Variants in TRMT11 observed in about 807,000 individuals in gnomAD.
The protein encoded by TRMT11 is tRNA (guanine(10)-N(2))-methyltransferase TRMT11.
A neutral mutation model predicts 62.8 loss-of-function variants in TRMT11; 53 were observed. The ratio of observed to expected loss-of-function variants is 0.84; its 90% CI spans 0.68 to 1.06. The LOEUF (loss-of-function observed/expected upper bound fraction) is 1.06, where lower values mean the gene tolerates loss of function less well. Among genes scored for constraint, TRMT11 ranks in the 50% least tolerant of loss-of-function variants. The pLI, the probability that TRMT11 is intolerant of heterozygous loss-of-function variation, is 0.00. For missense variants in TRMT11, 556 were observed against 553.4 expected, an observed-to-expected ratio of 1.00 and a Z score of -0.05; for synonymous variants, 188 against 190.3, an observed-to-expected ratio of 0.99 and a Z score of 0.10.
At chr6:125,995,210 G>A (rs1791303042) in intron 2 of TRMT11, among the ~76,000 whole-genome samples, 1 of 152,202 alleles carries the variant, frequency 6.6e-6, no homozygotes, top group Admixed American at 6.5e-5. Flanking sequence ...AGCTAAAGTT[G>A]AAAGTCCTGT....
chr6:125,991,814 G>T (rs1790675058), intron 1 of TRMT11, among the ~76,000 whole-genome samples: 1 of 152,136 alleles, frequency 6.6e-6, no homozygotes, highest in Admixed American at 6.5e-5. Context: ...GCTAAGTATA[G>T]TTGGCAGCTA....
chr6:126,247,474 T>TATC, the TRMT11 span, among the ~76,000 whole-genome samples: 14 of 146,776 alleles, frequency 9.5e-5, no homozygotes, highest in South Asian at 2.2e-4. Flanking sequence ...TCTATCTATC[T>TATC]ATCTATCTAT....
chr6:126,180,865 T>A (rs920024816), intron 1 of TRMT11, among the ~76,000 whole-genome samples: 2 of 152,208 alleles, frequency 1.3e-5, no homozygotes, highest in African/African-American at 4.8e-5. Context: ...AAAGCCCAAC[T>A]AATTACACAA....
At chr6:126,263,591 A>T in the TRMT11 span, among the ~76,000 whole-genome samples, 17 of 152,342 alleles carry the variant, frequency 1.1e-4, 1 homozygote, top group East Asian at 2.1e-3. Context: ...CTAATATTGG[A>T]CAAAACTTAG....
chr6:126,023,269 T>C (rs17053741), intron 12 of TRMT11, among the ~76,000 whole-genome samples: 4,524 of 152,308 alleles, frequency 0.03, 80 homozygotes, highest in Middle Eastern at 0.085. Context: ...TGACTAACAT[T>C]TATTTGGGTG....
chr6:126,242,021 A>T, the TRMT11 span, among the ~76,000 whole-genome samples: 3,351 of 152,282 alleles, frequency 0.022, 136 homozygotes, highest in African/African-American at 0.076. Context: ...ACATGATTTT[A>T]TATCTAGAAA....
chr6:126,036,614 A>G (rs1367669144), intron 12 of TRMT11, among the ~76,000 whole-genome samples: 2 of 152,130 alleles, frequency 1.3e-5, no homozygotes, highest in Non-Finnish European at 2.9e-5. Context: ...GAGGATCAAC[A>G]TGGTAGCTGA....
chr6:126,101,352 G>A (rs1209654908), intron 17 of TRMT11, among the ~76,000 whole-genome samples: 2 of 152,172 alleles, frequency 1.3e-5, no homozygotes, highest in East Asian at 1.9e-4. Flanking sequence ...ATGATTCAAT[G>A]AAGCTAATAG....
At chr6:126,004,938 T>G (rs1344809401) in intron 7 of TRMT11, among the ~76,000 whole-genome samples, 1 of 152,104 alleles carries the variant, frequency 6.6e-6, no homozygotes, top group Non-Finnish European at 1.5e-5. Context: ...AACACACTTT[T>G]CTTTCAATTT....
At chr6:126,083,610 TTTTTG>T (rs1448422928) in intron 17 of TRMT11, among the ~76,000 whole-genome samples, 13 of 152,224 alleles carry the variant, frequency 8.5e-5, no homozygotes, top group African/African-American at 2.9e-4. Flanking sequence ...CACTTTGCCA[TTTTTG>T]TTTTTGTTTT....
chr6:126,088,860 A>G lies in TRMT11; in HGVS notation c.*1438-24006A>G, dbSNP rs577635038. Among the ~76,000 whole-genome samples, 83 of 152,340 alleles carry G rather than the reference A, an allele frequency of 5.4e-4. 1 individual carries two copies. The South Asian group carries it at 9.5e-3, about 17-fold the overall frequency. ...AAAGAGAATTGACTTATATTGCTAG[A>G]GAAATCAAATCCCAAACTGTTTTCA... On this transcript the variant is annotated intron_variant and NMD_transcript_variant, in intron 17 of 22. Coordinates refer to the TRMT11 transcript ENST00000648977.
chr6:126,012,736 T>C (rs1415488446), intron 9 of TRMT11, 35 bp from the exon 10 acceptor site: 9 of 1,564,700 alleles, frequency 5.8e-6, no homozygotes, highest in Non-Finnish European at 7.9e-6. Flanking sequence ...TTTGGTGACT[T>C]TTGACTATCT....
chr6:126,209,027 G>A, the TRMT11 span, among the ~76,000 whole-genome samples: 2 of 152,218 alleles, frequency 1.3e-5, no homozygotes, highest in South Asian at 2.1e-4. Flanking sequence ...TTGCCATAGT[G>A]TGGAACAGTG....
At chr6:126,154,335 G>GTGTA (rs199559793) in intron 21 of TRMT11, among the ~76,000 whole-genome samples, 3 of 146,858 alleles carry the variant, frequency 2.0e-5, no homozygotes, top group African/African-American at 5.4e-5. Context: ...ATGTGTGTGT[G>GTGTA]TGTATGTGTG....
At chr6:126,035,467 A>G (rs956213912) in intron 12 of TRMT11, among the ~76,000 whole-genome samples, 4 of 152,126 alleles carry the variant, frequency 2.6e-5, no homozygotes, top group African/African-American at 7.2e-5. Context: ...GAAAGGGGAC[A>G]TTTTAGCACA....
At chr6:126,107,491 AC>A (rs1448104681) in intron 17 of TRMT11, among the ~76,000 whole-genome samples, 1 of 152,170 alleles carries the variant, frequency 6.6e-6, no homozygotes, top group African/African-American at 2.4e-5. Flanking sequence ...GTTTGGGGTG[AC>A]AGAGGATCTA....
At chr6:126,108,279 T>A (rs2128185211) in intron 17 of TRMT11, among the ~76,000 whole-genome samples, 1 of 152,350 alleles carries the variant, frequency 6.6e-6, no homozygotes, top group Admixed American at 6.5e-5. Context: ...CTTACTTCAG[T>A]CATGGCTATA....
chr6:126,004,687 A>G (rs1793074893), intron 7 of TRMT11, among the ~76,000 whole-genome samples: 3 of 152,016 alleles, frequency 2.0e-5, no homozygotes, highest in Admixed American at 2.0e-4. Flanking sequence ...TTTTTAAAAA[A>G]AATTCATGTG....
chr6:126,098,964 A>G (rs1467849485), intron 17 of TRMT11, among the ~76,000 whole-genome samples: 1 of 152,210 alleles, frequency 6.6e-6, no homozygotes, highest in Non-Finnish European at 1.5e-5. Context: ...ATATGTATTG[A>G]GAACTGGCTA....
Sources: gnomAD v4.1 joint callset for allele counts (sites outside exome capture counted in the v4.1 genomes callset) on GRCh38, gnomAD v4.1.1 for gene constraint, MANE v1.5 for transcripts, NCBI Gene and HGNC (gene_info 2026-07-23, HGNC 2026-07-21) for gene names.